PTBP2: variants seen among roughly 807,000 people sequenced by gnomAD.
PTBP2 encodes the protein polypyrimidine tract-binding protein 2.
In PTBP2, 13 loss-of-function variants were observed where a neutral mutation model predicts 61.4. The observed-to-expected ratio is 0.21, with a 90% CI of 0.14 to 0.34. The LOEUF is 0.34. Ranked by LOEUF, PTBP2 falls within the 10% of genes least tolerant of loss-of-function variation. PTBP2 has a pLI of 1.00. For synonymous variants in PTBP2, 215 were observed against 218.5 expected (o/e 0.98, Z 0.14); for missense variants, 405 against 642.6 (o/e 0.63, Z 4.00).
chr1:96,755,866 A>C (rs1328314538), intron 3 of PTBP2, among the ~76,000 whole-genome samples: 1 of 152,222 alleles, frequency 6.6e-6, no homozygotes, highest in African/African-American at 2.4e-5. Context: ...GGACACAGGA[A>C]AACTCGGGAG....
intron 3 of PTBP2, among the ~76,000 whole-genome samples, chr1:96,761,555 A>G (rs1217587407): frequency 2.8e-5 from 4 of 145,342 alleles, no homozygotes; most frequent in South Asian, 4.5e-4. Context: ...AGGAGAATGC[A>G]GGAAATGATA....
intron 2 of PTBP2, among the ~76,000 whole-genome samples, chr1:96,730,957 G>A (rs1429015914): frequency 6.6e-6 from 1 of 152,118 alleles, no homozygotes; most frequent in Non-Finnish European, 1.5e-5. Flanking sequence ...TTGTTTCGGC[G>A]AGGCAAATCT....
In PTBP2 at chr1:96,813,012, C is replaced by T. The variant is rs1358401768; in HGVS notation, c.1389-17C>T. The T allele has an allele frequency of 2.5e-6, 4 of 1,604,906 alleles. No individual in the cohort carries two copies. Among genetic ancestry groups the T allele is most frequent in the Admixed American group, 1.7e-5 (1 of 59,884 alleles). ...TATTCTTAATCTTCACTTTTTCTTC[C>T]CATTCAATTTTCCTAGTCCATCAGT... On this transcript the variant is annotated splice_polypyrimidine_tract_variant and intron_variant, in intron 12 of 13. Transcript: ENST00000674951.
intron 3 of PTBP2, among the ~76,000 whole-genome samples, chr1:96,752,892 GGTAA>G: frequency 6.6e-6 from 1 of 152,176 alleles, no homozygotes; most frequent in South Asian, 2.1e-4. Context: ...GTACACGTGA[GGTAA>G]GTATCATGAA....
chr1:96,821,134 A>C (rs186825919), exon 14 of PTBP2: 1 of 152,114 alleles, frequency 6.6e-6, no homozygotes, highest in African/African-American at 2.4e-5. Flanking sequence ...TTGTAGTTTC[A>C]AGTAAGATAT....
chr1:96,725,446 CCCA>C (rs1199363720), intron 2 of PTBP2, among the ~76,000 whole-genome samples: 7 of 151,912 alleles, frequency 4.6e-5, no homozygotes, highest in Non-Finnish European at 1.0e-4. Context: ...ACTACAGGCG[CCCA>C]CCACCACGCC....
intron 5 of PTBP2, 85 bp from the exon 6 acceptor site, chr1:96,777,500 A>C (rs1208367891): frequency 8.1e-7 from 1 of 1,237,782 alleles, no homozygotes; most frequent in Non-Finnish European, 1.1e-6. Context: ...AAGTTCTAGG[A>C]ACAAAGTGAA....
intron 3 of PTBP2, among the ~76,000 whole-genome samples, chr1:96,766,004 C>T (rs1360495097): frequency 3.9e-5 from 6 of 152,098 alleles, no homozygotes; most frequent in East Asian, 1.9e-4. Context: ...TAACAAATTA[C>T]CCATGATCCT....
chr1:96,809,138 A>G (rs1661785989), intron 11 of PTBP2, among the ~76,000 whole-genome samples: 1 of 152,194 alleles, frequency 6.6e-6, no homozygotes, highest in African/African-American at 2.4e-5. Flanking sequence ...ATAAATAATA[A>G]GTAGATAGAA....
chr1:96,769,063 T>A (rs1367287880), intron 3 of PTBP2, among the ~76,000 whole-genome samples: 1 of 152,032 alleles, frequency 6.6e-6, no homozygotes, highest in Non-Finnish European at 1.5e-5. Flanking sequence ...CAGTCATAAA[T>A]CTTGGGGATA....
intron 7 of PTBP2, among the ~76,000 whole-genome samples, chr1:96,780,048 C>G (rs921656673): frequency 6.6e-6 from 1 of 152,032 alleles, no homozygotes; most frequent in African/African-American, 2.4e-5. Flanking sequence ...CTCTCACTTG[C>G]TTGAAGAGGA....
intron 3 of PTBP2, among the ~76,000 whole-genome samples, chr1:96,754,067 C>T (rs920546503): frequency 6.6e-6 from 1 of 152,004 alleles, no homozygotes; most frequent in Non-Finnish European, 1.5e-5. Context: ...GTAAACTCCT[C>T]ATGTAGGCTA....
intron 5 of PTBP2, among the ~76,000 whole-genome samples, chr1:96,774,253 C>T (rs528826042): frequency 1.3e-5 from 2 of 152,176 alleles, no homozygotes; most frequent in African/African-American, 4.8e-5. Flanking sequence ...ATGAACTAGA[C>T]TTTCTGTTCG....
intron 3 of PTBP2, among the ~76,000 whole-genome samples, chr1:96,762,998 G>C (rs1437484832): frequency 1.3e-5 from 2 of 151,370 alleles, no homozygotes; most frequent in African/African-American, 4.9e-5. Flanking sequence ...GGGCAGAGAC[G>C]CTCCTCACTT....
chr1:96,743,483 A>T (rs555343451), intron 2 of PTBP2, among the ~76,000 whole-genome samples: 1 of 152,184 alleles, frequency 6.6e-6, no homozygotes, highest in Non-Finnish European at 1.5e-5. Context: ...AGAGCGCATC[A>T]TCCTTTCACC....
intron 8 of PTBP2, among the ~76,000 whole-genome samples, chr1:96,787,573 A>G (rs1659352209): frequency 6.6e-6 from 1 of 152,174 alleles, no homozygotes; most frequent in South Asian, 2.1e-4. Flanking sequence ...TTTTAACTAT[A>G]CTCAAAAATA....
At chr1:96,785,619 G>A (rs1570940614) in intron 8 of PTBP2, among the ~76,000 whole-genome samples, 1 of 152,120 alleles carries the variant, frequency 6.6e-6, no homozygotes, top group Admixed American at 6.5e-5. Flanking sequence ...GTTCTTGTGT[G>A]TGTTTTTCAG....
chr1:96,811,101 A>G (rs942688882), intron 11 of PTBP2, among the ~76,000 whole-genome samples: 12 of 152,078 alleles, frequency 7.9e-5, no homozygotes, highest in Admixed American at 7.2e-4. Flanking sequence ...AGTAAGTTCA[A>G]TGGCTAGTGG....
At chr1:96,765,295 C>G (rs1656552421) in intron 3 of PTBP2, among the ~76,000 whole-genome samples, 1 of 152,054 alleles carries the variant, frequency 6.6e-6, no homozygotes, top group Non-Finnish European at 1.5e-5. Context: ...TGAAGATGTA[C>G]CTAAGTTTTG....
Sources: gnomAD v4.1 joint callset for allele counts (sites outside exome capture counted in the v4.1 genomes callset) on GRCh38, gnomAD v4.1.1 for gene constraint, MANE v1.5 for transcripts, NCBI Gene and HGNC (gene_info 2026-07-23, HGNC 2026-07-21) for gene names.